The following KLHL32 variants were observed in gnomAD, a reference collection of about 807,000 sequenced individuals.
KLHL32 encodes kelch-like protein 32.
In KLHL32, 35 loss-of-function variants were observed where a neutral mutation model predicts 64.8. That is an observed-to-expected ratio of 0.54 (90% CI 0.41 to 0.72). KLHL32 has a LOEUF of 0.72. Among genes scored for constraint, KLHL32 ranks in the 30% least tolerant of loss-of-function variants. KLHL32 has a pLI of 0.00. For synonymous variants in KLHL32, 259 were observed against 281.0 expected, an observed-to-expected ratio of 0.92 and a Z score of 0.78; for missense variants, 589 against 768.5, an observed-to-expected ratio of 0.77 and a Z score of 2.76.
At chr6:97,027,303 C>T (rs1782868674) in intron 3 of KLHL32, among the ~76,000 whole-genome samples, 1 of 152,198 alleles carries the variant, frequency 6.6e-6, no homozygotes, top group Admixed American at 6.5e-5. Context: ...TGACTAGATC[C>T]TGACCACTCT....
At chr6:96,915,644 T>C in the KLHL32 span, among the ~76,000 whole-genome samples, 1 of 91,530 alleles carries the variant, frequency 1.1e-5, no homozygotes, top group Middle Eastern at 4.6e-3. Context: ...TAAGTTTCTA[T>C]CCATGGAGTA....
chr6:97,028,851 TA>T (rs1215274138), intron 3 of KLHL32, among the ~76,000 whole-genome samples: 1 of 152,222 alleles, frequency 6.6e-6, no homozygotes, highest in Non-Finnish European at 1.5e-5. Context: ...TTGTGATAGA[TA>T]AAACAATGGA....
At chr6:97,117,629 G>A (rs188551118) in intron 7 of KLHL32, among the ~76,000 whole-genome samples, 7 of 152,272 alleles carry the variant, frequency 4.6e-5, no homozygotes, top group Admixed American at 2.0e-4. Context: ...CTCCTGTAGC[G>A]TTTGACATTG....
chr6:97,090,370 G>A (rs1251873404), intron 6 of KLHL32, among the ~76,000 whole-genome samples: 1 of 152,154 alleles, frequency 6.6e-6, no homozygotes, highest in Admixed American at 6.5e-5. Context: ...TATCTTGAGA[G>A]ACATAAGCCA....
Position 97,139,353 on chromosome 6 carries a change from G to A in KLHL32, c.*71G>A. 1 of 1,294,616 alleles carries A rather than the reference G, an allele frequency of 7.7e-7. No homozygotes were observed. Among genetic ancestry groups the A allele is most frequent in the Non-Finnish European group, 1.1e-6 (1 of 928,386 alleles). 80.2% of individuals were successfully genotyped at this position (1,294,616 alleles called of 1,614,324 possible). On this transcript the variant is annotated 3_prime_UTR_variant, in exon 11 of 11. Transcript: ENST00000369261. ...TGGATACTGGGCATGAAAAGACTCA[G>A]TGCTCCATGCTTCCTTGTCTTGCTT...
intron 1 of KLHL32, among the ~76,000 whole-genome samples, chr6:96,954,685 C>T (rs1773052258): frequency 6.6e-6 from 1 of 152,168 alleles, no homozygotes; most frequent in African/African-American, 2.4e-5. Context: ...GGCACCTCTA[C>T]CCTCTACTGA....
At chr6:97,104,906 T>C (rs1385681573) in intron 6 of KLHL32, among the ~76,000 whole-genome samples, 1 of 152,238 alleles carries the variant, frequency 6.6e-6, no homozygotes, top group Non-Finnish European at 1.5e-5. Context: ...AGGAAGAGAA[T>C]GTAACTATAA....
intron 3 of KLHL32, among the ~76,000 whole-genome samples, chr6:96,986,254 C>T (rs781215627): frequency 5.3e-5 from 8 of 152,068 alleles, no homozygotes; most frequent in African/African-American, 1.2e-4. Flanking sequence ...GAGGAGTATC[C>T]GGCCGTGTGA....
chr6:96,901,521 A>G, the KLHL32 span, among the ~76,000 whole-genome samples: 1 of 152,164 alleles, frequency 6.6e-6, no homozygotes, highest in African/African-American at 2.4e-5. Flanking sequence ...TCTCCATCTG[A>G]AGATCCTTGA....
At chr6:97,070,828 A>G (rs200785174) in intron 5 of KLHL32, among the ~76,000 whole-genome samples, 16 of 152,184 alleles carry the variant, frequency 1.1e-4, no homozygotes, top group East Asian at 1.9e-4. Context: ...ACAAACATCA[A>G]TCTCACTGAG....
chr6:96,926,135 A>G (rs1411767783), intron 1 of KLHL32, among the ~76,000 whole-genome samples: 1 of 152,188 alleles, frequency 6.6e-6, no homozygotes, highest in Non-Finnish European at 1.5e-5. Flanking sequence ...CTTTGCACGA[A>G]TTTCATGCCT....
chr6:97,090,218 A>G (rs73505024), intron 6 of KLHL32, among the ~76,000 whole-genome samples: 6,192 of 152,260 alleles, frequency 0.041, 428 homozygotes, highest in African/African-American at 0.14. Flanking sequence ...AAGACATCCT[A>G]CTATTCCTAC....
chr6:97,074,895 A>G (rs1791355859), intron 5 of KLHL32, among the ~76,000 whole-genome samples: 1 of 151,556 alleles, frequency 6.6e-6, no homozygotes, highest in Non-Finnish European at 1.5e-5. Context: ...TTTCTTATAT[A>G]TATTCCATAT....
In KLHL32 at chr6:97,085,184, CT is replaced by C; in HGVS notation, c.473del (p.Leu158CysfsTer6). On this transcript the variant is annotated frameshift_variant, in exon 6 of 11. Transcript: ENST00000369261. LOFTEE classifies it high-confidence loss of function. ...LYRLADLFNL[T>X]LLEKAVIDFL... is the part of the protein sequence containing the mutation. ...AGACTTGCTGACCTCTTTAACCTCA[CT>C]TTGTTGGAGAAGGCAGTGATCGATT... The C allele has an allele frequency of 6.2e-7, 1 of 1,614,010 alleles. No individual in the cohort carries two copies. Among genetic ancestry groups the C allele is most frequent in the Non-Finnish European group, 8.5e-7 (1 of 1,180,020 alleles).
intron 3 of KLHL32, among the ~76,000 whole-genome samples, chr6:97,002,947 GCTGCA>G (rs1427332743): frequency 6.6e-6 from 1 of 152,084 alleles, no homozygotes; most frequent in East Asian, 1.9e-4. Context: ...CGTAAATAAT[GCTGCA>G]CTGAACATGC....
intron 10 of KLHL32, among the ~76,000 whole-genome samples, chr6:97,137,971 G>A (rs1323974770): frequency 1.3e-5 from 2 of 152,156 alleles, no homozygotes; most frequent in Non-Finnish European, 2.9e-5. Flanking sequence ...GCAGATGAAG[G>A]AAAAGGGACT....
intron 2 of KLHL32, among the ~76,000 whole-genome samples, chr6:96,968,642 CCTT>C (rs755533480): frequency 4.0e-4 from 61 of 152,264 alleles, no homozygotes; most frequent in Middle Eastern, 6.8e-3. Flanking sequence ...GATGTTCTCT[CCTT>C]CTCTGCTTCA....
At chr6:96,993,636 A>G (rs1389855822) in intron 3 of KLHL32, among the ~76,000 whole-genome samples, 1 of 152,326 alleles carries the variant, frequency 6.6e-6, no homozygotes, top group East Asian at 1.9e-4. Context: ...GTCAGGAACT[A>G]TCAAAATTCT....
At chr6:96,978,291 C>T (rs1010214754) in intron 3 of KLHL32, among the ~76,000 whole-genome samples, 4 of 152,164 alleles carry the variant, frequency 2.6e-5, no homozygotes, top group African/African-American at 9.6e-5. Flanking sequence ...TTCTCCCTTC[C>T]CCCAACCTCC....
Sources: gnomAD v4.1 joint callset for allele counts (sites outside exome capture counted in the v4.1 genomes callset) on GRCh38, gnomAD v4.1.1 for gene constraint, MANE v1.5 for transcripts, NCBI Gene and HGNC (gene_info 2026-07-23, HGNC 2026-07-21) for gene names.